Variants in METTL15 observed in about 807,000 individuals in gnomAD.
METTL15 encodes the protein 12S rRNA N(4)-cytidine methyltransferase METTL15.
In METTL15, 34 loss-of-function variants were observed where a neutral mutation model predicts 38.3. That is an observed-to-expected ratio of 0.89 (90% confidence interval 0.68 to 1.18). The LOEUF (loss-of-function observed/expected upper bound fraction) is 1.18, where lower values mean the gene tolerates loss of function less well. Among genes scored for constraint, METTL15 ranks in the 50% most tolerant of loss-of-function variants. The probability of loss-of-function intolerance (pLI) is 0.00; values close to 1 mark genes in which losing one functional copy is unlikely to be tolerated. For missense variants in METTL15, 438 were observed against 498.4 expected (o/e 0.88, Z 1.15); for synonymous variants, 162 against 170.9 (o/e 0.95, Z 0.41).
intron 3 of METTL15, chr11:28,145,359 AT>A (rs1849845201): frequency 6.6e-6 from 1 of 151,950 alleles, no homozygotes; most frequent in African/African-American, 2.4e-5. Context: ...TCATCTCAGA[AT>A]TTTTTAAATT....
intron 6 of METTL15, among the ~76,000 whole-genome samples, chr11:28,507,747 A>G (rs1035746193): frequency 6.6e-6 from 1 of 152,064 alleles, no homozygotes; most frequent in African/African-American, 2.4e-5. Flanking sequence ...ATATCTAATC[A>G]ATTGGTCCTG....
intron 4 of METTL15, among the ~76,000 whole-genome samples, chr11:28,289,894 T>A (rs1194215970): frequency 6.6e-6 from 1 of 152,128 alleles, no homozygotes; most frequent in Non-Finnish European, 1.5e-5. Context: ...TAAGAAATTT[T>A]TAAGAAAATA....
chr11:28,437,026 C>T (rs1850988454), intron 6 of METTL15, among the ~76,000 whole-genome samples: 1 of 152,182 alleles, frequency 6.6e-6, no homozygotes, highest in Admixed American at 6.5e-5. Context: ...TTCTTCCATG[C>T]TAGATGCTTC....
intron 4 of METTL15, among the ~76,000 whole-genome samples, chr11:28,245,019 A>C (rs941419013): frequency 6.6e-6 from 1 of 152,206 alleles, no homozygotes; most frequent in Non-Finnish European, 1.5e-5. Context: ...ATAGATCTGA[A>C]GATAGGCAGG....
intron 6 of METTL15, among the ~76,000 whole-genome samples, chr11:28,300,141 A>C (rs993842663): frequency 5.9e-5 from 9 of 152,134 alleles, no homozygotes; most frequent in Non-Finnish European, 1.0e-4. Flanking sequence ...GGGGGACTCT[A>C]TAAACCCAGT....
At chr11:28,115,592 T>C (rs184480653) in intron 3 of METTL15, among the ~76,000 whole-genome samples, 5 of 152,096 alleles carry the variant, frequency 3.3e-5, no homozygotes, top group Admixed American at 6.5e-5. Flanking sequence ...GTGTATTATA[T>C]ACTGTATTCT....
chr11:28,515,917 A>T (rs899604047), intron 6 of METTL15, among the ~76,000 whole-genome samples: 7 of 152,250 alleles, frequency 4.6e-5, no homozygotes, highest in African/African-American at 1.7e-4. Context: ...TCTCAGAAAT[A>T]TCTCAGCATC....
intron 3 of METTL15, among the ~76,000 whole-genome samples, chr11:28,121,783 T>C (rs1352186477): frequency 6.6e-6 from 1 of 151,938 alleles, no homozygotes; most frequent in Non-Finnish European, 1.5e-5. Context: ...GATATGTGTT[T>C]AAAAGTCTCA....
At chr11:28,167,599 A>T (rs928715003) in intron 3 of METTL15, among the ~76,000 whole-genome samples, 5 of 151,990 alleles carry the variant, frequency 3.3e-5, no homozygotes, top group African/African-American at 9.7e-5. Context: ...AAGTCATTTG[A>T]TGCTAAGGAA....
chr11:28,130,474 G>A (rs1416626936), intron 3 of METTL15, among the ~76,000 whole-genome samples: 3 of 152,202 alleles, frequency 2.0e-5, no homozygotes, highest in African/African-American at 7.2e-5. Context: ...TTATAAGAAA[G>A]GCATGCTGTT....
chr11:28,414,536 G>A lies in METTL15; in HGVS notation c.*359-9763G>A, dbSNP rs1850757110. Among the ~76,000 whole-genome samples, 5 of 152,206 alleles carry A rather than the reference G, an allele frequency of 3.3e-5. No homozygotes were observed. The South Asian group carries it at 1.0e-3, about 32-fold the overall frequency. On this transcript the variant is annotated intron_variant and NMD_transcript_variant, in intron 5 of 7. Coordinates refer to the METTL15 transcript ENST00000532947. ...CAAGCTCCCAGCCACAGCATCTATG[G>A]CAATATTAATTGTTTCAAAGTTTAA...
At position 28,332,673 on chromosome 11, in the gene METTL15, G is replaced by T. The variant is rs1849847779; in HGVS notation, c.*1832G>T. The T allele has an allele frequency of 1.3e-5, 2 of 150,588 alleles. No individual in the cohort carries two copies. The highest frequency in any genetic ancestry group is 2.9e-5 in the Non-Finnish European group (2 of 67,862). The allele number at this position is 150,588 out of a possible 1,614,324, so 9.3% of individuals were successfully genotyped here. On this transcript the variant is annotated 3_prime_UTR_variant, in exon 7 of 7. Transcript: ENST00000407364. The stretch of plus-strand genomic sequence containing the variant: ...TGGTGTTCCTTATAAGAGAAGATAG[G>T]GCGGGCATGGTGGCTCACGCCTGTA...
chr11:28,184,559 G>A (rs1851422870), intron 3 of METTL15, among the ~76,000 whole-genome samples: 1 of 151,884 alleles, frequency 6.6e-6, no homozygotes, highest in Non-Finnish European at 1.5e-5. Context: ...TTTCCATGTA[G>A]TTGTGCAGTT....
intron 6 of METTL15, among the ~76,000 whole-genome samples, chr11:28,427,337 C>G (rs547322085): frequency 2.0e-5 from 3 of 152,178 alleles, no homozygotes; most frequent in African/African-American, 7.2e-5. Context: ...ATTACTGTAG[C>G]CTTGTAGTAT....
intron 6 of METTL15, among the ~76,000 whole-genome samples, chr11:28,439,130 TCAGTCTTAGATGAGCATTTTCTCTTTTG>T (rs1851011915): frequency 1.3e-5 from 2 of 152,172 alleles, no homozygotes; most frequent in African/African-American, 4.8e-5. Context: ...GGATTTTTGT[TCAGTCTTAGATGAGCATTTTCTCTTTTG>T]CAATAACTTG....
At chr11:28,246,794 T>C (rs975155009) in intron 4 of METTL15, among the ~76,000 whole-genome samples, 4 of 152,138 alleles carry the variant, frequency 2.6e-5, no homozygotes, top group African/African-American at 9.7e-5. Flanking sequence ...GTTACCATAT[T>C]TGAGAACTGC....
At chr11:28,153,090 G>A (rs1850148950) in intron 3 of METTL15, among the ~76,000 whole-genome samples, 1 of 151,936 alleles carries the variant, frequency 6.6e-6, no homozygotes, top group Non-Finnish European at 1.5e-5. Context: ...GGCCATCTTG[G>A]TTTTGGTGGG....
intron 3 of METTL15, among the ~76,000 whole-genome samples, chr11:28,190,417 A>G (rs76186570): frequency 7.9e-5 from 12 of 151,374 alleles, no homozygotes; most frequent in African/African-American, 2.4e-4. Context: ...GTTAAGTTAA[A>G]TGAGTTATTT....
Position 28,296,918 on chromosome 11 carries a change from C to G in METTL15, c.765C>G (p.Ala255=). The change falls in exon 6 of 7, where the codon GCC becomes GCG. Residue 255 remains alanine (A), a synonymous_variant. Coordinates refer to ENST00000407364, the MANE Select transcript of METTL15 (RefSeq NM_001113528.2). The stretch of plus-strand genomic sequence containing the variant: ...CCATCACCAGAACCCAGCAGCTTGC[C>G]AGCATCGTTGCAGGTAGCCTCATTA... The part of the protein sequence containing the change: ...IYPITRTQQL[A]SIVAGAFPPS... 6.2e-7 allele frequency: 1 copy of G among 1,613,448 alleles called. No individual in the cohort carries two copies. Among genetic ancestry groups the G allele is most frequent in the South Asian group, 1.1e-5 (1 of 91,078 alleles).
Sources: gnomAD v4.1 joint callset for allele counts (sites outside exome capture counted in the v4.1 genomes callset) on GRCh38, gnomAD v4.1.1 for gene constraint, MANE v1.5 for transcripts, NCBI Gene and HGNC (gene_info 2026-07-23, HGNC 2026-07-21) for gene names.